Variants in CDH8 observed in about 807,000 individuals in gnomAD.
The protein encoded by CDH8 is cadherin 8, also known as cadherin-8.
A neutral mutation model predicts 68.1 loss-of-function variants in CDH8; 17 were observed. The observed-to-expected ratio is 0.25, with a 90% CI of 0.17 to 0.37. The LOEUF is 0.37. CDH8 is among the 10% of genes least tolerant of loss of function. CDH8 has a pLI of 1.00. For synonymous variants in CDH8, 372 were observed against 365.1 expected (o/e 1.02, Z -0.21); for missense variants, 763 against 999.3 (o/e 0.76, Z 3.19).
chr16:61,669,133 C>T (rs1443557138), intron 10 of CDH8, among the ~76,000 whole-genome samples: 1 of 151,992 alleles, frequency 6.6e-6, no homozygotes, highest in African/African-American at 2.4e-5. Flanking sequence ...CGTGATCTCC[C>T]TGAAGATTTT....
chr16:61,753,243 T>C (rs562792573), intron 8 of CDH8, among the ~76,000 whole-genome samples: 4 of 148,502 alleles, frequency 2.7e-5, no homozygotes, highest in Admixed American at 6.7e-5. Context: ...TTCTTTCTTT[T>C]TTTTTTTTTT....
intron 2 of CDH8, among the ~76,000 whole-genome samples, chr16:61,901,857 C>T (rs558073911): frequency 6.6e-6 from 1 of 152,198 alleles, no homozygotes; most frequent in South Asian, 2.1e-4. Context: ...AGGTGAATCA[C>T]TTCTCATATA....
chr16:61,999,513 A>T (rs1445111980), intron 2 of CDH8, among the ~76,000 whole-genome samples: 2 of 152,172 alleles, frequency 1.3e-5, no homozygotes, highest in Non-Finnish European at 2.9e-5. Context: ...CAGATACAGA[A>T]CAGTCTTCGC....
At chr16:61,861,360 A>G (rs1195707927) in intron 3 of CDH8, among the ~76,000 whole-genome samples, 1 of 152,156 alleles carries the variant, frequency 6.6e-6, no homozygotes, top group Non-Finnish European at 1.5e-5. Flanking sequence ...TTCTTTTTTC[A>G]TACTCCATAG....
intron 10 of CDH8, among the ~76,000 whole-genome samples, chr16:61,657,985 A>T (rs1963481865): frequency 6.6e-6 from 1 of 152,086 alleles, no homozygotes; most frequent in South Asian, 2.1e-4. Flanking sequence ...CACGCAGAAG[A>T]CTGTTGACTG....
intron 7 of CDH8, 119 bp from the exon 8 acceptor site, chr16:61,789,601 C>A: frequency 2.2e-6 from 2 of 891,016 alleles, no homozygotes; most frequent in South Asian, 2.3e-5. Flanking sequence ...TTGGGAAACT[C>A]AGTGGCATCA....
intron 8 of CDH8, 136 bp downstream of exon 8, chr16:61,789,210 A>C: frequency 1.4e-6 from 1 of 691,880 alleles, no homozygotes; most frequent in South Asian, 2.2e-5. Flanking sequence ...GATACATTCA[A>C]AGGCTCCTTG....
At chr16:61,782,539 C>G (rs1354375391) in intron 8 of CDH8, among the ~76,000 whole-genome samples, 1 of 151,550 alleles carries the variant, frequency 6.6e-6, no homozygotes, top group African/African-American at 2.4e-5. Context: ...CCCAGGCTTG[C>G]TTAGGTAAAC....
chr16:61,764,324 T>G (rs1005663246), intron 8 of CDH8, among the ~76,000 whole-genome samples: 6 of 151,912 alleles, frequency 3.9e-5, no homozygotes, highest in African/African-American at 1.5e-4. Context: ...TAGAAGGAGG[T>G]CAGAAGGAGT....
chr16:62,021,229 A>G lies in CDH8; in HGVS notation c.175T>C (p.Ser59Pro). The change falls in exon 2 of 12, where the codon TCC becomes CCC. Residue 59 changes from serine (S) to proline (P), a missense_variant. Ser to Pro is a moderately conservative substitution (Grantham distance 74, BLOSUM62 -1). Transcript: ENST00000577390. ...LGEEQRILNRSKRGWVWNQMF... is the reference protein window; with the variant it reads ...LGEEQRILNRPKRGWVWNQMF... ...TGATTCCAAACCCAGCCTCTTTTGG[A>G]GCGGTTCAAAATTCGCTGTTCTTCA... The G allele has an allele frequency of 1.2e-6, 2 of 1,614,002 alleles. No homozygotes were observed. Among genetic ancestry groups the G allele is most frequent in the Non-Finnish European group, 1.7e-6 (2 of 1,179,956 alleles).
chr16:61,969,912 C>A (rs2150576122), intron 2 of CDH8, among the ~76,000 whole-genome samples: 1 of 152,290 alleles, frequency 6.6e-6, no homozygotes, highest in Admixed American at 6.5e-5. Flanking sequence ...TATGTGAATG[C>A]TGAAAAAGAA....
chr16:61,881,527 A>G (rs1348827601), intron 3 of CDH8, among the ~76,000 whole-genome samples: 1 of 152,188 alleles, frequency 6.6e-6, no homozygotes, highest in Non-Finnish European at 1.5e-5. Context: ...CTAAGCAAAC[A>G]TATCAGAAAA....
Position 61,650,581 on chromosome 16 carries a change from C to A in CDH8, c.*3027G>T, listed in dbSNP as rs1023201569. 5 of 151,648 alleles carry A rather than the reference C, an allele frequency of 3.3e-5. No homozygotes were observed. The highest frequency in any genetic ancestry group is 7.3e-5 in the African/African-American group (3 of 41,244). The allele number at this position is 151,648 out of a possible 1,614,324, so 9.4% of individuals were successfully genotyped here. A position where few individuals can be genotyped will look rare whatever the true frequency, so the allele number is the denominator to read the frequency against. On this transcript the variant is annotated 3_prime_UTR_variant, in exon 12 of 12. Transcript: ENST00000577390. The stretch of plus-strand genomic sequence containing the variant: ...CTTAAATCTTAGAAAATGTTAGGAA[C>A]CTTATTGATATCTTTTGGTTGGGAA...
chr16:61,795,268 A>G (rs1961469717), intron 7 of CDH8, among the ~76,000 whole-genome samples: 2 of 152,074 alleles, frequency 1.3e-5, no homozygotes, highest in South Asian at 4.1e-4. Context: ...TTTCTCAGGC[A>G]TCATGATTTG....
chr16:61,821,902 G>C (rs1194337390), intron 5 of CDH8, among the ~76,000 whole-genome samples: 1 of 151,880 alleles, frequency 6.6e-6, no homozygotes, highest in African/African-American at 2.4e-5. Flanking sequence ...TGTTACTGTA[G>C]TGTACACCTG....
rs1344903606 is a variant in CDH8, at chr16:61,960,381, G to A, written c.253-58908C>T. ...TGTATACACATACATATATACATGT[G>A]TGTGTGTATACACATACATATATAC... is the stretch of plus-strand genomic sequence containing the variant. On this transcript the variant is annotated intron_variant, in intron 2 of 11. Transcript: ENST00000577390. 9.1e-5 allele frequency among the ~76,000 whole-genome samples: 12 copies of A among 131,552 alleles called. 3 individuals are homozygous for A. Among genetic ancestry groups the A allele is most frequent in the South Asian group, 7.3e-4 (3 of 4,104 alleles). The allele number at this position is 131,552 out of a possible 152,430, so 86.3% of individuals were successfully genotyped here. A position where few individuals can be genotyped will look rare whatever the true frequency, so the allele number is the denominator to read the frequency against.
chr16:61,983,387 C>A (rs1038200800), intron 2 of CDH8, among the ~76,000 whole-genome samples: 1 of 152,044 alleles, frequency 6.6e-6, no homozygotes, highest in Non-Finnish European at 1.5e-5. Flanking sequence ...TAAACAATTG[C>A]GACTTGTACC....
At chr16:61,736,920 A>T (rs1255372353) in intron 8 of CDH8, among the ~76,000 whole-genome samples, 1 of 152,202 alleles carries the variant, frequency 6.6e-6, no homozygotes, top group Non-Finnish European at 1.5e-5. Context: ...TAAACACAAG[A>T]GATGTGACAA....
rs1237879568 is a variant in CDH8, at chr16:62,030,400, C to A, written c.-200+5680G>T. 3.3e-5 allele frequency among the ~76,000 whole-genome samples: 5 copies of A among 151,738 alleles called. No homozygotes were observed. In the East Asian group the frequency reaches 9.7e-4, roughly 29 times the overall value. On this transcript the variant is annotated intron_variant, in intron 1 of 11. Transcript: ENST00000577390. ...GTTTTTTTTTCATTTTTCTGAGCATCCCCATGTTGAAGATGGGAATAGTTA... is the reference window on the plus strand; with the variant it reads ...GTTTTTTTTTCATTTTTCTGAGCATACCCATGTTGAAGATGGGAATAGTTA...
Sources: gnomAD v4.1 joint callset for allele counts (sites outside exome capture counted in the v4.1 genomes callset) on GRCh38, gnomAD v4.1.1 for gene constraint, MANE v1.5 for transcripts, NCBI Gene and HGNC (gene_info 2026-07-23, HGNC 2026-07-21) for gene names.